AGAP1: variants seen among roughly 807,000 people sequenced by gnomAD.
AGAP1 encodes the protein arf-GAP with GTPase, ANK repeat and PH domain-containing protein 1.
In AGAP1, 29 loss-of-function variants were observed where a neutral mutation model predicts 105.3. That is an observed-to-expected ratio of 0.28 (90% CI 0.21 to 0.38). AGAP1 has a LOEUF of 0.38. Among genes scored for constraint, AGAP1 ranks in the 10% least tolerant of loss-of-function variants. The pLI is 1.00. For synonymous variants in AGAP1, 509 were observed against 485.9 expected (o/e 1.05, Z -0.63); for missense variants, 998 against 1,165.1 (o/e 0.86, Z 2.09).
intron 1 of AGAP1, among the ~76,000 whole-genome samples, chr2:235,591,852 C>T (rs1275673030): frequency 6.8e-6 from 1 of 148,098 alleles, no homozygotes; most frequent in Non-Finnish European, 1.5e-5. Context: ...CTGCCCCCAC[C>T]CCCACCCCCC....
At chr2:235,567,524 C>T (rs563545924) in intron 1 of AGAP1, among the ~76,000 whole-genome samples, 11 of 152,330 alleles carry the variant, frequency 7.2e-5, no homozygotes, top group African/African-American at 9.6e-5. Context: ...TCTGTTCTTG[C>T]GCTGTCCATC....
intron 11 of AGAP1, among the ~76,000 whole-genome samples, chr2:235,926,789 G>A (rs2052470195): frequency 6.6e-6 from 1 of 152,182 alleles, no homozygotes; most frequent in Admixed American, 6.5e-5. Flanking sequence ...GAGTGCAGTG[G>A]GGTGTGGGGA....
rs1281933644 is a variant in AGAP1, at chr2:236,090,842, C to T, written c.2115-29350C>T. Among the ~76,000 whole-genome samples, 1 of 152,192 alleles carries T rather than the reference C, an allele frequency of 6.6e-6. No homozygotes were observed. ...GCAACCCCCGCCTCCCAGGTTCAAGCGATTCTCATGCCTCAGCCTCCTGAG... is the reference window on the plus strand; with the variant it reads ...GCAACCCCCGCCTCCCAGGTTCAAGTGATTCTCATGCCTCAGCCTCCTGAG... On this transcript the variant is annotated intron_variant, in intron 16 of 17. Coordinates refer to ENST00000304032, the MANE Select transcript of AGAP1 (RefSeq NM_001037131.3). The surrounding 1 kb of genome is among the most constrained non-coding windows in gnomAD (Gnocchi z 4.3).
chr2:235,817,474 A>G (rs1264871788), intron 9 of AGAP1, among the ~76,000 whole-genome samples: 1 of 151,980 alleles, frequency 6.6e-6, no homozygotes, highest in Non-Finnish European at 1.5e-5. Flanking sequence ...AAAAGAATTT[A>G]CTTTTAACTG....
chr2:235,572,006 T>TAC (rs1380635098), intron 1 of AGAP1, among the ~76,000 whole-genome samples: 3 of 71,600 alleles, frequency 4.2e-5, no homozygotes, highest in Admixed American at 1.2e-4. Flanking sequence ...ACACACACTT[T>TAC]TTTTTTTTTT....
rs953481465 is a variant in AGAP1 at position 236,000,291 on chromosome 2, G to C, written c.1645+31668G>C. ...ATGAAGCCAGTTTTTTTCCTTATCA[G>C]CATCATAATGAAACAACGTGGGAGG... On this transcript the variant is annotated intron_variant, in intron 13 of 17. Transcript: ENST00000304032. The surrounding 1 kb of genome is among the most constrained non-coding windows in gnomAD (Gnocchi z 4.3). Among the ~76,000 whole-genome samples the C allele has an allele frequency of 6.6e-6, 1 of 152,150 alleles. No individual in the cohort carries two copies. Among genetic ancestry groups the C allele is most frequent in the Non-Finnish European group, 1.5e-5 (1 of 68,030 alleles).
rs2054345998 is a variant in AGAP1 at position 235,965,307 on chromosome 2, G to T, written c.1484-3155G>T. Among the ~76,000 whole-genome samples the T allele has an allele frequency of 6.6e-6, 1 of 152,206 alleles. No individual in the cohort carries two copies. Among genetic ancestry groups the T allele is most frequent in the African/African-American group, 2.4e-5 (1 of 41,438 alleles). ...TGTCATGCACATGGAGAATGCCCCT[G>T]TGGACGTAGGGAGGAGAGGCAGGAA... On this transcript the variant is annotated intron_variant, in intron 12 of 17. Transcript: ENST00000304032. This position sits in a 1 kb window ranked among gnomAD's most constrained non-coding sequence, Gnocchi z 5.8.
intron 13 of AGAP1, among the ~76,000 whole-genome samples, chr2:236,022,539 G>A (rs2056918846): frequency 6.6e-6 from 1 of 152,130 alleles, no homozygotes; most frequent in Admixed American, 6.5e-5. Context: ...TACAGTCTTT[G>A]TCTTTTATTT....
Position 236,053,563 on chromosome 2 carries a change from G to C in AGAP1, c.2114+4282G>C, listed in dbSNP as rs748250085. On this transcript the variant is annotated intron_variant, in intron 16 of 17. Transcript: ENST00000304032. This position sits in a 1 kb window ranked among gnomAD's most constrained non-coding sequence, Gnocchi z 4.6. Reference sequence around the variant, plus strand: ...AGTGCAAGTGATTTCCTAGCAGGACGGAGCAGAGCCCTCTGGCGCCACATT... The same window carrying C: ...AGTGCAAGTGATTTCCTAGCAGGACCGAGCAGAGCCCTCTGGCGCCACATT... Among the ~76,000 whole-genome samples, 7 of 152,270 alleles carry C rather than the reference G, an allele frequency of 4.6e-5. No individual in the cohort carries two copies. The highest frequency in any genetic ancestry group is 1.0e-4 in the Non-Finnish European group (7 of 68,048).
In AGAP1 at chr2:235,951,592, G is replaced by A. The variant is rs569600568; in HGVS notation, c.1484-16870G>A. Among the ~76,000 whole-genome samples the A allele has an allele frequency of 4.6e-5, 7 of 152,358 alleles. No individual in the cohort carries two copies. The South Asian group carries it at 1.5e-3, about 32-fold the overall frequency. The stretch of plus-strand genomic sequence containing the variant: ...TGAGAAACAGGCGTAAACAGAGGTT[G>A]TCCCGGGAAAGGCAGAATGAATGTC... On this transcript the variant is annotated intron_variant, in intron 12 of 17. Transcript: ENST00000304032. This position sits in a 1 kb window ranked among gnomAD's most constrained non-coding sequence, Gnocchi z 4.2.
chr2:235,673,780 T>C (rs1948570774), intron 1 of AGAP1, among the ~76,000 whole-genome samples: 1 of 152,208 alleles, frequency 6.6e-6, no homozygotes, highest in Admixed American at 6.5e-5. Flanking sequence ...TCCTTGAAAA[T>C]ATAAAGGAAA....
chr2:235,715,903 G>A (rs1371744291), intron 2 of AGAP1, among the ~76,000 whole-genome samples: 1 of 152,148 alleles, frequency 6.6e-6, no homozygotes, highest in Non-Finnish European at 1.5e-5. Flanking sequence ...CTCAGAAGCT[G>A]ATGAGGAGAC....
Position 235,930,673 on chromosome 2 carries a change from ATGTGCC to A in AGAP1, c.1325-91_1325-86del. 1 of 1,310,950 alleles carries A rather than the reference ATGTGCC, an allele frequency of 7.6e-7. No homozygotes were observed. The highest frequency in any genetic ancestry group is 2.1e-5 in the Admixed American group (1 of 47,086). 81.2% of individuals were successfully genotyped at this position (1,310,950 alleles called of 1,614,324 possible). A position where few individuals can be genotyped will look rare whatever the true frequency, so the allele number is the denominator to read the frequency against. ...GCTGCTCTCGGTGGTAAGGTGCACT[ATGTGCC>A]AGCGTGTGGGTCCCATAGACTAACT... is the stretch of plus-strand genomic sequence containing the variant. On this transcript the variant is annotated intron_variant, in intron 11 of 17. Transcript: ENST00000304032. The surrounding 1 kb of genome is among the most constrained non-coding windows in gnomAD (Gnocchi z 7.9).
At position 235,571,968 on chromosome 2, in the gene AGAP1, A is replaced by G. The variant is rs549324296; in HGVS notation, c.163+77119A>G. Among the ~76,000 whole-genome samples the G allele has an allele frequency of 6.8e-3, 353 of 51,762 alleles. 6 individuals carry two copies. The highest frequency in any genetic ancestry group is 0.026 in the African/African-American group (278 of 10,554). 34.0% of individuals were successfully genotyped at this position (51,762 alleles called of 152,430 possible). On this transcript the variant is annotated intron_variant, in intron 1 of 17. Coordinates refer to ENST00000304032, the MANE Select transcript of AGAP1 (RefSeq NM_001037131.3). ...TGTGTGTGTGTGTGTGTATACATAT[A>G]TATGTATACACACACACACACACAC...
chr2:236,091,498 C>T (rs566978011), intron 16 of AGAP1, among the ~76,000 whole-genome samples: 5 of 152,282 alleles, frequency 3.3e-5, no homozygotes, highest in South Asian at 2.1e-4. Flanking sequence ...AGGCCGGGCG[C>T]GGTGGCTCAC....
In AGAP1 at chr2:235,763,500, C is replaced by T. The variant is rs780335216; in HGVS notation, c.673+13012C>T. On this transcript the variant is annotated intron_variant, in intron 6 of 17. Transcript: ENST00000304032. ...TGTATTTGATTTAGATGAGTGCTTC[C>T]GTGCATGGTTTTCTTTACTGAAAGC... is the stretch of plus-strand genomic sequence containing the variant. 2.0e-5 allele frequency among the ~76,000 whole-genome samples: 3 copies of T among 152,118 alleles called. No homozygotes were observed. In the East Asian group the frequency reaches 5.8e-4, roughly 29 times the overall value.
chr2:235,836,604 T>C (rs1387982501), intron 9 of AGAP1, among the ~76,000 whole-genome samples: 1 of 152,218 alleles, frequency 6.6e-6, no homozygotes, highest in Non-Finnish European at 1.5e-5. Flanking sequence ...ACACTTTTTC[T>C]CCTCTTGGGT....
chr2:235,974,405 G>T (rs1014125839), intron 13 of AGAP1, among the ~76,000 whole-genome samples: 3 of 152,202 alleles, frequency 2.0e-5, no homozygotes, highest in Admixed American at 2.0e-4. Context: ...CTTTAAAAAT[G>T]CAGGACCAGA....
At chr2:235,497,361 C>T (rs2148993493) in intron 1 of AGAP1, among the ~76,000 whole-genome samples, 1 of 152,336 alleles carries the variant, frequency 6.6e-6, no homozygotes, top group Middle Eastern at 3.4e-3. Context: ...CCTGCAGGGG[C>T]AGAGAGCTGC....
Sources: gnomAD v4.1 joint callset for allele counts (sites outside exome capture counted in the v4.1 genomes callset) on GRCh38, gnomAD v4.1.1 for gene constraint, Gnocchi (gnomAD v3.1) non-coding constraint, MANE v1.5 for transcripts, NCBI Gene and HGNC (gene_info 2026-07-23, HGNC 2026-07-21) for gene names.